Variants in ADCY6 observed in about 807,000 individuals in gnomAD.
ADCY6 encodes adenylate cyclase 6.
Under a neutral mutation model 111.6 loss-of-function variants are expected in ADCY6, and 59 were observed. The ratio of observed to expected loss-of-function variants is 0.53; its 90% CI spans 0.43 to 0.66. The LOEUF (loss-of-function observed/expected upper bound fraction) is 0.66, where lower values mean the gene tolerates loss of function less well. Ranked by LOEUF, ADCY6 falls within the 30% of genes least tolerant of loss-of-function variation. ADCY6 has a pLI of 0.00. For missense variants in ADCY6, 1,242 were observed against 1,595.6 expected, an observed-to-expected ratio of 0.78 and a Z score of 3.78; for synonymous variants, 576 against 642.9, an observed-to-expected ratio of 0.90 and a Z score of 1.57.
chr12:48,783,494 TACC>T (rs1941911363), intron 1 of ADCY6, 56 bp from the exon 2 acceptor site: 3 of 1,608,610 alleles, frequency 1.9e-6, no homozygotes, highest in African/African-American at 2.7e-5. Context: ...GTGGTATTAA[TACC>T]ACCATCACAG....
chr12:48,770,781 A>C lies in ADCY6; in HGVS notation c.3241T>G (p.Phe1081Val). ...GCCCTCTTACCAATCTTCATCTGGA[A>C]ATTGTTGAAGGAGTGCTCATTGATG... Reference protein sequence around the residue: ...KHINEHSFNNFQMKIGLNMGP... With the variant: ...KHINEHSFNNVQMKIGLNMGP... Residue 1081 changes from phenylalanine to valine, a missense_variant, in exon 20 of 22, where the codon TTC becomes GTC. By Grantham distance (50) the Phe-to-Val change is conservative. Transcript: ENST00000357869. 6.2e-7 allele frequency: 1 copy of C among 1,614,006 alleles called. No individual in the cohort carries two copies. The highest frequency in any genetic ancestry group is 8.5e-7 in the Non-Finnish European group (1 of 1,179,926).
chr12:48,772,451 T>C, intron 17 of ADCY6, 27 bp from the exon 18 acceptor site: 2 of 1,614,170 alleles, frequency 1.2e-6, no homozygotes, highest in Non-Finnish European at 8.5e-7. Flanking sequence ...ACATGCTTGG[T>C]GTCTGAAGGA....
Position 48,772,493 on chromosome 12 carries a change from G to A in ADCY6, c.2657+15C>T, listed in dbSNP as rs759431386. 5.9e-5 allele frequency: 95 copies of A among 1,614,064 alleles called. No homozygotes were observed. The highest frequency in any genetic ancestry group is 8.3e-5 in the Admixed American group (5 of 60,000). Reference sequence around the variant, plus strand: ...TAATGGCTCTACCCTTTGCTGCCTCGGAGCCCTCACTTACCAGTCCAGCCC... The same window carrying A: ...TAATGGCTCTACCCTTTGCTGCCTCAGAGCCCTCACTTACCAGTCCAGCCC... On this transcript the variant is annotated intron_variant, in intron 17 of 21. Transcript: ENST00000357869.
At position 48,776,414 on chromosome 12, in the gene ADCY6, A is replaced by AC. The variant is rs746175121; in HGVS notation, c.1535+13dup. On this transcript the variant is annotated intron_variant, in intron 7 of 21. Transcript: ENST00000357869. The surrounding 1 kb of genome is among the most constrained non-coding windows in gnomAD (Gnocchi z 6.1). ...CCTTGCCCCCATCCCCCCCACCTGG[A>AC]CCCCCCTACTCACCCAGCCCGGCCT... The AC allele has an allele frequency of 5.5e-6, 3 of 543,492 alleles. No homozygotes were observed. The highest frequency in any genetic ancestry group is 2.3e-5 in the African/African-American group (1 of 43,472). 33.7% of individuals were successfully genotyped at this position (543,492 alleles called of 1,614,324 possible). A position where few individuals can be genotyped will look rare whatever the true frequency, so the allele number is the denominator to read the frequency against.
At chr12:48,774,910 G>GGA (rs551966498) in intron 12 of ADCY6, 47 bp downstream of exon 12, 2 of 1,531,604 alleles carry the variant, frequency 1.3e-6, no homozygotes, top group Non-Finnish European at 1.8e-6. Flanking sequence ...GAAGCTTCTG[G>GGA]GAAGTGGTGA....
At position 48,782,682 on chromosome 12, in the gene ADCY6, C is replaced by T. The variant is rs185259602; in HGVS notation, c.753G>A (p.Thr251=). Residue 251 remains threonine, a synonymous_variant, in exon 2 of 22, where the codon ACG becomes ACA. Coordinates refer to ENST00000357869, the MANE Select transcript of ADCY6 (RefSeq NM_015270.5). The surrounding 1 kb of genome is among the most constrained non-coding windows in gnomAD (Gnocchi z 4.3). ...CPVFFVYIAY[T]LLPIRMRAAV... is the part of the protein sequence containing the mutation. ...CAGCCCGCATGCGGATGGGGAGGAG[C>T]GTGTAGGCGATGTAGACAAAGAACA... 2.5e-6 allele frequency: 4 copies of T among 1,593,244 alleles called. No homozygotes were observed. The highest frequency in any genetic ancestry group is 1.1e-5 in the South Asian group (1 of 88,800).
In ADCY6 at chr12:48,782,908, G is replaced by T; in HGVS notation, c.527C>A (p.Pro176His). Residue 176 changes from proline to histidine, a missense_variant, in exon 2 of 22, where the codon CCT (proline) becomes CAT (histidine). Around this residue, in one of 4 missense-constraint regions of ADCY6, gnomAD observed 362 missense variants for 377.2 expected, o/e 0.96. Coordinates refer to ENST00000357869, the MANE Select transcript of ADCY6 (RefSeq NM_015270.5). This position sits in a 1 kb window ranked among gnomAD's most constrained non-coding sequence, Gnocchi z 4.3. Reference protein sequence around the residue: ...LLAFHAAPARPQPAYVALLAC... With the variant: ...LLAFHAAPARHQPAYVALLAC... ...CAACAGTGCCACATAGGCAGGCTGA[G>T]GGCGGGCGGGTGCGGCGTGGAAAGC... 2 of 1,613,650 alleles carry T rather than the reference G, an allele frequency of 1.2e-6. No individual in the cohort carries two copies. The highest frequency in any genetic ancestry group is 1.7e-6 in the Non-Finnish European group (2 of 1,179,936).
At position 48,768,048 on chromosome 12, in the gene ADCY6, C is replaced by T. The variant is rs546109718; in HGVS notation, c.*543G>A. 2.4e-4 allele frequency: 40 copies of T among 164,506 alleles called. No homozygotes were observed. Among genetic ancestry groups the T allele is most frequent in the Non-Finnish European group, 4.3e-4 (32 of 74,202 alleles). 10.2% of individuals were successfully genotyped at this position (164,506 alleles called of 1,614,324 possible). On this transcript the variant is annotated 3_prime_UTR_variant, in exon 22 of 22. Transcript: ENST00000357869. Reference sequence around the variant, plus strand: ...CCCCAGAGCTTCTCCCTCCTCTGCTCTGTGCATAGGAGGGACACCTGGCTG... The same window carrying T: ...CCCCAGAGCTTCTCCCTCCTCTGCTTTGTGCATAGGAGGGACACCTGGCTG...
Position 48,766,931 on chromosome 12 carries a change from A to G in ADCY6, c.*1660T>C, listed in dbSNP as rs1941393079. On this transcript the variant is annotated 3_prime_UTR_variant, in exon 22 of 22. Coordinates refer to ENST00000357869, the MANE Select transcript of ADCY6 (RefSeq NM_015270.5). ...CAAGGAGGTTGCAGGGAAAGGGGTA[A>G]AAGGAAGGCAAAGACAGGAAGGGAA... 6.6e-6 allele frequency: 1 copy of G among 152,382 alleles called. No homozygotes were observed. Among genetic ancestry groups the G allele is most frequent in the Admixed American group, 6.5e-5 (1 of 15,284 alleles). 9.4% of individuals were successfully genotyped at this position (152,382 alleles called of 1,614,324 possible). A position where few individuals can be genotyped will look rare whatever the true frequency, so the allele number is the denominator to read the frequency against.
chr12:48,785,218 T>A (rs1565652701), intron 1 of ADCY6, among the ~76,000 whole-genome samples: 1 of 152,236 alleles, frequency 6.6e-6, no homozygotes, highest in Non-Finnish European at 1.5e-5. Flanking sequence ...ATTTTTCTTA[T>A]GTGTTCATTT....
chr12:48,769,908 C>T (rs1338091143), intron 20 of ADCY6, among the ~76,000 whole-genome samples: 2 of 151,646 alleles, frequency 1.3e-5, no homozygotes, highest in African/African-American at 4.8e-5. Flanking sequence ...ACTATAGGCG[C>T]CCACCACCAC....
chr12:48,776,420 C>T lies in ADCY6; in HGVS notation c.1535+8G>A, dbSNP rs761631214. 1.9e-6 allele frequency: 3 copies of T among 1,613,392 alleles called. No homozygotes were observed. In the East Asian group the frequency reaches 6.7e-5, roughly 36 times the overall value. ...CCCCATCCCCCCCACCTGGACCCCCCTACTCACCCAGCCCGGCCTCCTGCC... is the reference window on the plus strand; with the variant it reads ...CCCCATCCCCCCCACCTGGACCCCCTTACTCACCCAGCCCGGCCTCCTGCC... On this transcript the variant is annotated splice_region_variant and intron_variant, in intron 7 of 21. Coordinates refer to ENST00000357869, the MANE Select transcript of ADCY6 (RefSeq NM_015270.5). This position sits in a 1 kb window ranked among gnomAD's most constrained non-coding sequence, Gnocchi z 6.1.
At chr12:48,778,037 C>A (rs1262245178) in intron 3 of ADCY6, 71 bp downstream of exon 3, 2 of 1,537,822 alleles carry the variant, frequency 1.3e-6, no homozygotes, top group East Asian at 2.4e-5. Flanking sequence ...CTGGACAAGG[C>A]AGCAGATCCA....
chr12:48,771,061 T>G lies in ADCY6; in HGVS notation c.3052-91A>C, dbSNP rs547083940. 46 of 1,261,690 alleles carry G rather than the reference T, an allele frequency of 3.6e-5. No individual in the cohort carries two copies. In the South Asian group the frequency reaches 6.0e-4, roughly 16 times the overall value. 78.2% of individuals were successfully genotyped at this position (1,261,690 alleles called of 1,614,324 possible). ...CATTTCTTGCCACGCCTTGGCTGCCTTCCCCACTTCCCTGTCTCAAGAGCC... is the reference window on the plus strand; with the variant it reads ...CATTTCTTGCCACGCCTTGGCTGCCGTCCCCACTTCCCTGTCTCAAGAGCC... On this transcript the variant is annotated intron_variant, in intron 19 of 21. Transcript: ENST00000357869. This position sits in a 1 kb window ranked among gnomAD's most constrained non-coding sequence, Gnocchi z 4.3.
Position 48,775,912 on chromosome 12 carries a change from T to G in ADCY6, c.1806+51A>C, listed in dbSNP as rs759647313. 6.4e-6 allele frequency: 10 copies of G among 1,564,740 alleles called. No individual in the cohort carries two copies. In the Admixed American group the frequency reaches 1.9e-4, roughly 30 times the overall value. ...AAGGACAGGGTCAGGGACAGGGTAT[T>G]GAGGGAGCTAAGAAAATGAGGCCCT... On this transcript the variant is annotated intron_variant, in intron 9 of 21. Transcript: ENST00000357869.
In ADCY6 at chr12:48,782,887, A is replaced by T; in HGVS notation, c.548T>A (p.Leu183Gln). 6.2e-7 allele frequency: 1 copy of T among 1,613,928 alleles called. No individual in the cohort carries two copies. Among genetic ancestry groups the T allele is most frequent in the Non-Finnish European group, 8.5e-7 (1 of 1,179,952 alleles). Residue 183 changes from leucine to glutamine, a missense_variant, in exon 2 of 22, where the codon CTG becomes CAG. By Grantham distance (113) the Leu-to-Gln change is moderately radical. This residue lies in a region of ADCY6 where 362 missense variants were observed against 377.2 expected (regional missense o/e 0.96). Transcript: ENST00000357869. The surrounding 1 kb of genome is among the most constrained non-coding windows in gnomAD (Gnocchi z 4.3). ...GAACAGGGCGGCGGCACAGGCCAAC[A>T]GTGCCACATAGGCAGGCTGAGGGCG... Reference protein sequence around the residue: ...PARPQPAYVALLACAAALFVG... With the variant: ...PARPQPAYVAQLACAAALFVG...
intron 20 of ADCY6, among the ~76,000 whole-genome samples, chr12:48,769,759 GTTTT>G (rs1238353646): frequency 9.6e-6 from 1 of 103,794 alleles, no homozygotes; most frequent in East Asian, 2.7e-4. Flanking sequence ...ACTAATTTTT[GTTTT>G]TTTTTTTTTT....
chr12:48,780,590 G>C (rs1441840298), intron 2 of ADCY6, among the ~76,000 whole-genome samples: 2 of 152,180 alleles, frequency 1.3e-5, no homozygotes, highest in Non-Finnish European at 2.9e-5. Context: ...GACGGGCACA[G>C]TCCTGGCCTC....
chr12:48,781,835 A>C (rs914722082), intron 2 of ADCY6, among the ~76,000 whole-genome samples: 2 of 152,208 alleles, frequency 1.3e-5, no homozygotes, highest in African/African-American at 4.8e-5. Context: ...ACACACTTGG[A>C]GCCTGGAGGC....
Sources: allele counts gnomAD v4.1 joint callset (sites outside exome capture counted in the v4.1 genomes callset), GRCh38; gene constraint gnomAD v4.1.1; regional missense constraint gnomAD v4.1.1; non-coding constraint Gnocchi (gnomAD v3.1); transcripts MANE v1.5; gene names NCBI Gene and HGNC (gene_info 2026-07-23, HGNC 2026-07-21).